Variants in INPP4B observed in about 807,000 individuals in gnomAD.
The protein encoded by INPP4B is inositol polyphosphate 4-phosphatase type II.
Under a neutral mutation model 122.5 loss-of-function variants are expected in INPP4B, and 55 were observed. The ratio of observed to expected loss-of-function variants is 0.45; its 90% CI spans 0.36 to 0.56. The LOEUF is 0.56. Among genes scored for constraint, INPP4B ranks in the 20% least tolerant of loss-of-function variants. The pLI is 0.00. For missense variants in INPP4B, 1,000 were observed against 1,097.7 expected (o/e 0.91, Z 1.26); for synonymous variants, 403 against 388.7 (o/e 1.04, Z -0.43).
intron 2 of INPP4B, among the ~76,000 whole-genome samples, chr4:142,471,046 A>G (rs17016177): frequency 0.02 from 3,080 of 152,292 alleles, 114 homozygotes; most frequent in African/African-American, 0.071. Flanking sequence ...TGTATATCTC[A>G]TTTATGACTA....
At chr4:142,048,054 A>G (rs1407824812) in intron 25 of INPP4B, among the ~76,000 whole-genome samples, 1 of 152,126 alleles carries the variant, frequency 6.6e-6, no homozygotes, top group African/African-American at 2.4e-5. Context: ...ACCTCACCCC[A>G]GTGGTCACCT....
Position 142,079,401 on chromosome 4 carries a change from G to A in INPP4B, c.2642+2630C>T, listed in dbSNP as rs77202054. Among the ~76,000 whole-genome samples the A allele has an allele frequency of 9.2e-3, 1,398 of 152,098 alleles. 14 individuals carry two copies. Among genetic ancestry groups the A allele is most frequent in the African/African-American group, 0.032 (1,332 of 41,532 alleles). The stretch of plus-strand genomic sequence containing the variant: ...AACCACTGTCTGAAGGGTGGGACTT[G>A]CTAGATGGCAGAGTGAGGAGCTGGG... On this transcript the variant is annotated intron_variant, in intron 25 of 25. Coordinates refer to ENST00000262992, the MANE Select transcript of INPP4B (RefSeq NM_001101669.3).
At chr4:142,426,751 A>G (rs1808144173) in intron 5 of INPP4B, 1 of 151,974 alleles carries the variant, frequency 6.6e-6, no homozygotes, top group Admixed American at 6.6e-5. Context: ...TTGATGGAAA[A>G]TAACTTATAC....
chr4:142,029,355 A>C, intron 25 of INPP4B: 1 of 984,898 alleles, frequency 1.0e-6, no homozygotes, highest in Non-Finnish European at 1.2e-6. Flanking sequence ...TTTTTAAAGA[A>C]AAATTTCATC....
At chr4:142,556,173 A>G (rs1729123977) in intron 2 of INPP4B, among the ~76,000 whole-genome samples, 2 of 152,194 alleles carry the variant, frequency 1.3e-5, no homozygotes, top group South Asian at 2.1e-4. Flanking sequence ...ACTCTGTCCT[A>G]TCTTCTATGG....
chr4:142,810,619 C>G lies in INPP4B; in HGVS notation c.-254+35590G>C, dbSNP rs530138832. 2.0e-5 allele frequency among the ~76,000 whole-genome samples: 3 copies of G among 152,258 alleles called. No individual in the cohort carries two copies. The South Asian group carries it at 6.2e-4, about 32-fold the overall frequency. On this transcript the variant is annotated intron_variant, in intron 1 of 25. Coordinates refer to ENST00000262992, the MANE Select transcript of INPP4B (RefSeq NM_001101669.3). The stretch of plus-strand genomic sequence containing the variant: ...GAGTGATTTCATAAAATCAGCTCAC[C>G]TAACATCTATTAAATTTCTATGGCA...
chr4:142,144,131 T>C (rs1809350735), intron 18 of INPP4B, among the ~76,000 whole-genome samples: 1 of 151,854 alleles, frequency 6.6e-6, no homozygotes, highest in South Asian at 2.1e-4. Context: ...AAATGATTCA[T>C]CTAATCTTAC....
chr4:142,302,968 T>TA (rs1242515168), intron 9 of INPP4B, among the ~76,000 whole-genome samples: 2 of 152,140 alleles, frequency 1.3e-5, no homozygotes, highest in African/African-American at 4.8e-5. Context: ...GACATACGAA[T>TA]AGAAACCACT....
chr4:142,199,247 G>A (rs73850817), intron 14 of INPP4B, among the ~76,000 whole-genome samples: 8,667 of 151,838 alleles, frequency 0.057, 852 homozygotes, highest in African/African-American at 0.2. Flanking sequence ...GGTTTGTCTT[G>A]TTTGTCATTA....
At chr4:142,543,037 A>T (rs1829122239) in intron 2 of INPP4B, among the ~76,000 whole-genome samples, 1 of 152,156 alleles carries the variant, frequency 6.6e-6, no homozygotes, top group Admixed American at 6.5e-5. Context: ...ACCCTCTGGA[A>T]ATATCATACT....
intron 8 of INPP4B, among the ~76,000 whole-genome samples, chr4:142,312,248 G>A (rs562374962): frequency 1.3e-5 from 2 of 152,258 alleles, no homozygotes; most frequent in African/African-American, 2.4e-5. Context: ...GTATAGAGAC[G>A]CTGGTCTATA....
chr4:142,385,384 A>G (rs75399617), intron 7 of INPP4B, among the ~76,000 whole-genome samples: 1 of 151,716 alleles, frequency 6.6e-6, no homozygotes, highest in African/African-American at 2.4e-5. Flanking sequence ...AAAAAAAAAA[A>G]CCACTCTTGA....
rs1176131109 is a variant in INPP4B at position 142,255,882 on chromosome 4, C to A, written c.688+4610G>T. On this transcript the variant is annotated intron_variant, in intron 11 of 25. Coordinates refer to ENST00000262992, the MANE Select transcript of INPP4B (RefSeq NM_001101669.3). Reference sequence around the variant, plus strand: ...ATAGACATCTACAGAACTCTCCACCCCAAATCAACAGAATATACATTTTTT... The same window carrying A: ...ATAGACATCTACAGAACTCTCCACCACAAATCAACAGAATATACATTTTTT... Among the ~76,000 whole-genome samples the A allele has an allele frequency of 3.3e-5, 5 of 149,526 alleles. No homozygotes were observed. In the East Asian group the frequency reaches 1.0e-3, roughly 30 times the overall value.
chr4:142,334,570 A>G (rs768692418), intron 7 of INPP4B, among the ~76,000 whole-genome samples: 5 of 152,174 alleles, frequency 3.3e-5, no homozygotes, highest in Admixed American at 2.0e-4. Flanking sequence ...ATTCCCAGTA[A>G]GAGTACACAG....
intron 2 of INPP4B, among the ~76,000 whole-genome samples, chr4:142,615,386 G>A (rs779392349): frequency 1.9e-4 from 29 of 152,198 alleles, no homozygotes; most frequent in Non-Finnish European, 3.5e-4. Flanking sequence ...GGTGGATTAA[G>A]AGATTCCTTA....
At chr4:142,819,387 G>A (rs1245911176) in intron 1 of INPP4B, among the ~76,000 whole-genome samples, 1 of 151,986 alleles carries the variant, frequency 6.6e-6, no homozygotes, top group Non-Finnish European at 1.5e-5. Flanking sequence ...CAGAATATAG[G>A]GTCTAATTCA....
intron 25 of INPP4B, among the ~76,000 whole-genome samples, chr4:142,055,791 G>A (rs1757345006): frequency 6.6e-6 from 1 of 151,828 alleles, no homozygotes; most frequent in South Asian, 2.1e-4. Flanking sequence ...CTGGTTTCAT[G>A]GAAGACCATT....
intron 2 of INPP4B, among the ~76,000 whole-genome samples, chr4:142,615,081 A>G (rs1655984929): frequency 6.6e-6 from 1 of 152,028 alleles, no homozygotes; most frequent in Non-Finnish European, 1.5e-5. Flanking sequence ...TCAGAAAGAA[A>G]CCTGAACTTG....
At chr4:142,463,117 C>A (rs1319373455) in intron 2 of INPP4B, among the ~76,000 whole-genome samples, 1 of 152,210 alleles carries the variant, frequency 6.6e-6, no homozygotes, top group Non-Finnish European at 1.5e-5. Context: ...GGTGACTCTT[C>A]AAGTCTAGCC....
Sources: gnomAD v4.1 joint callset for allele counts (sites outside exome capture counted in the v4.1 genomes callset) on GRCh38, gnomAD v4.1.1 for gene constraint, MANE v1.5 for transcripts, NCBI Gene and HGNC (gene_info 2026-07-23, HGNC 2026-07-21) for gene names.